The following MAP2K4 variants were observed in gnomAD, a reference collection of about 807,000 sequenced individuals.
MAP2K4 encodes the protein dual specificity mitogen-activated protein kinase kinase 4.
MAP2K4 carries 4 observed loss-of-function variants against 48.5 expected under a neutral mutation model. The observed-to-expected ratio is 0.08, with a 90% confidence interval of 0.04 to 0.19. The LOEUF is 0.19. Among genes scored for constraint, MAP2K4 ranks in the 10% least tolerant of loss-of-function variants. MAP2K4 has a pLI of 1.00. For synonymous variants in MAP2K4, 166 were observed against 173.1 expected, an observed-to-expected ratio of 0.96 and a Z score of 0.32; for missense variants, 258 against 493.3, an observed-to-expected ratio of 0.52 and a Z score of 4.52.
chr17:12,132,351 A>G lies in MAP2K4; in HGVS notation c.1040+3064A>G, dbSNP rs28921080. On this transcript the variant is annotated intron_variant, in intron 9 of 10. Transcript: ENST00000353533. ...AAACTCTCTCCACAGTAGAACAGAT[A>G]ATAAATTGTAGCATTATGTATACAG... Among the ~76,000 whole-genome samples the G allele has an allele frequency of 8.0e-3, 1,224 of 152,354 alleles. 15 individuals are homozygous for G. The highest frequency in any genetic ancestry group is 0.028 in the African/African-American group (1,147 of 41,576).
At chr17:12,116,016 C>T (rs1026463821) in intron 7 of MAP2K4, 2 of 369,656 alleles carry the variant, frequency 5.4e-6, no homozygotes, top group East Asian at 1.3e-4. Context: ...GAGAAAAAAA[C>T]CAAATGACCG....
In MAP2K4 at chr17:12,048,651, T is replaced by TTTTA. The variant is rs1436339511; in HGVS notation, c.116-6222_116-6219dup. On this transcript the variant is annotated intron_variant, in intron 1 of 10. Transcript: ENST00000353533. ...CTAACATCTCTTTTTCTTTATTTAT[T>TTTTA]TTTATTTATTTATTTATTTTTTGAG... Among the ~76,000 whole-genome samples, 7 of 152,128 alleles carry TTTTA rather than the reference T, an allele frequency of 4.6e-5. No individual in the cohort carries two copies. In the East Asian group the frequency reaches 9.7e-4, roughly 21 times the overall value.
intron 3 of MAP2K4, 157 bp from the exon 4 acceptor site, chr17:12,095,417 GA>G: frequency 1.3e-6 from 1 of 765,142 alleles, no homozygotes; most frequent in East Asian, 2.8e-5. Flanking sequence ...TAATTCTTGT[GA>G]AGTATAAGGA....
At chr17:12,079,558 C>T (rs1050625924) in intron 2 of MAP2K4, among the ~76,000 whole-genome samples, 1 of 152,134 alleles carries the variant, frequency 6.6e-6, no homozygotes, top group African/African-American at 2.4e-5. Flanking sequence ...TGAGGACTTC[C>T]TGGAGCCTGT....
chr17:12,137,959 G>T (rs1341984971), intron 9 of MAP2K4, among the ~76,000 whole-genome samples: 1 of 151,790 alleles, frequency 6.6e-6, no homozygotes, highest in Admixed American at 6.6e-5. Context: ...ATGTATTGAA[G>T]CAAAATTACC....
At chr17:12,028,386 T>C (rs1348442778) in intron 1 of MAP2K4, among the ~76,000 whole-genome samples, 1 of 152,194 alleles carries the variant, frequency 6.6e-6, no homozygotes, top group African/African-American at 2.4e-5. Context: ...TTTGATAGTT[T>C]CAGAAAGTTG....
At chr17:12,064,020 G>GT (rs1970536122) in intron 2 of MAP2K4, among the ~76,000 whole-genome samples, 1 of 126,740 alleles carries the variant, frequency 7.9e-6, no homozygotes, top group Non-Finnish European at 1.7e-5. Flanking sequence ...GGGGAAGGGG[G>GT]GGAGAGAGAG....
intron 1 of MAP2K4, among the ~76,000 whole-genome samples, chr17:12,043,419 G>T (rs1376557624): frequency 3.9e-5 from 6 of 152,064 alleles, no homozygotes; most frequent in African/African-American, 1.4e-4. Flanking sequence ...TATTTACCTG[G>T]AGTTAGCATC....
intron 7 of MAP2K4, chr17:12,115,829 G>C: frequency 1.4e-6 from 1 of 717,112 alleles, no homozygotes; most frequent in Non-Finnish European, 2.6e-6. Context: ...GAGCTGCACT[G>C]TGCGATGGGA....
rs150628531 is a variant in MAP2K4 at position 12,119,367 on chromosome 17, A to G, written c.814-5927A>G. 3.4e-4 allele frequency among the ~76,000 whole-genome samples: 52 copies of G among 152,358 alleles called. No homozygotes were observed. In the East Asian group the frequency reaches 8.5e-3, roughly 25 times the overall value. ...AGACACTTTTCAAAAGAAGACATGC[A>G]TGCATCCAACAAGCATATGAAAAAC... On this transcript the variant is annotated intron_variant, in intron 7 of 10. Coordinates refer to ENST00000353533, the MANE Select transcript of MAP2K4 (RefSeq NM_003010.4).
At chr17:12,072,138 A>T (rs760839279) in intron 2 of MAP2K4, among the ~76,000 whole-genome samples, 2 of 152,198 alleles carry the variant, frequency 1.3e-5, no homozygotes, top group Non-Finnish European at 2.9e-5. Flanking sequence ...CTTCATGGAG[A>T]TGATCATAGA....
chr17:12,116,077 G>A (rs1222803147), intron 7 of MAP2K4, among the ~76,000 whole-genome samples: 2 of 152,130 alleles, frequency 1.3e-5, no homozygotes, highest in Non-Finnish European at 2.9e-5. Context: ...CCTGTAGGTC[G>A]CCTGCAGCCT....
chr17:12,062,214 T>C (rs1210442412), intron 2 of MAP2K4, among the ~76,000 whole-genome samples: 1 of 152,224 alleles, frequency 6.6e-6, no homozygotes, highest in African/African-American at 2.4e-5. Context: ...CATCTTTTTT[T>C]ATTTTTCACT....
intron 6 of MAP2K4, among the ~76,000 whole-genome samples, chr17:12,112,409 G>A (rs564723600): frequency 1.3e-5 from 2 of 150,460 alleles, no homozygotes; most frequent in Non-Finnish European, 2.9e-5. Flanking sequence ...GTTGCAGTGA[G>A]TGGGGATTGC....
At chr17:12,034,270 T>C (rs912210456) in intron 1 of MAP2K4, among the ~76,000 whole-genome samples, 14 of 152,250 alleles carry the variant, frequency 9.2e-5, no homozygotes. Flanking sequence ...GTTTTTGTCA[T>C]TATAGAAATG....
intron 1 of MAP2K4, among the ~76,000 whole-genome samples, chr17:12,053,250 A>T (rs1286679412): frequency 1.3e-5 from 2 of 152,038 alleles, no homozygotes; most frequent in African/African-American, 2.4e-5. Flanking sequence ...CTTATTAGTG[A>T]TTCTTCTACC....
chr17:12,110,658 C>T lies in MAP2K4; in HGVS notation c.685+232C>T, dbSNP rs954779171. 7 of 460,390 alleles carry T rather than the reference C, an allele frequency of 1.5e-5. No individual in the cohort carries two copies. In the South Asian group the frequency reaches 2.2e-4, roughly 14 times the overall value. The allele number at this position is 460,390 out of a possible 1,614,324, so 28.5% of individuals were successfully genotyped here. A position where few individuals can be genotyped will look rare whatever the true frequency, so the allele number is the denominator to read the frequency against. ...GACTTAGAAACTGAAATAGATTTTG[C>T]TGCACATTGTTATTAGTTGAAAAAT... On this transcript the variant is annotated intron_variant, in intron 6 of 10. Transcript: ENST00000353533.
At chr17:12,129,042 A>G in intron 8 of MAP2K4, 97 bp from the exon 9 acceptor site, 1 of 1,134,932 alleles carries the variant, frequency 8.8e-7, no homozygotes, top group Non-Finnish European at 1.3e-6. Context: ...GCTTTACTAG[A>G]GTTTTGCTTG....
intron 1 of MAP2K4, among the ~76,000 whole-genome samples, chr17:12,031,830 AC>A (rs1969446063): frequency 6.6e-6 from 1 of 152,172 alleles, no homozygotes; most frequent in Admixed American, 6.5e-5. Context: ...CAATTTATGA[AC>A]TGCTAAAACT....
Sources: allele counts gnomAD v4.1 joint callset (sites outside exome capture counted in the v4.1 genomes callset), GRCh38; gene constraint gnomAD v4.1.1; transcripts MANE v1.5; gene names NCBI Gene and HGNC (gene_info 2026-07-23, HGNC 2026-07-21).